The following DENND3 variants were observed in gnomAD, a reference collection of about 807,000 sequenced individuals.
DENND3 encodes DENN domain containing 3.
Under a neutral mutation model 135.1 loss-of-function variants are expected in DENND3, and 88 were observed. The observed-to-expected ratio is 0.65, with a 90% confidence interval of 0.55 to 0.78. The LOEUF is 0.78. Among genes scored for constraint, DENND3 ranks in the 30% least tolerant of loss-of-function variants. The pLI is 0.00. For synonymous variants in DENND3, 693 were observed against 712.3 expected (o/e 0.97, Z 0.43); for missense variants, 1,392 against 1,688.4 (o/e 0.82, Z 3.08).
chr8:141,132,863 T>C (rs2154612650), intron 1 of DENND3, among the ~76,000 whole-genome samples: 1 of 152,246 alleles, frequency 6.6e-6, no homozygotes, highest in Admixed American at 6.5e-5. Context: ...CAGTGTTCAG[T>C]CCAGGCTGAG....
chr8:141,151,549 C>A, intron 6 of DENND3, 70 bp from the exon 7 acceptor site: 2 of 1,462,276 alleles, frequency 1.4e-6, no homozygotes, highest in South Asian at 1.2e-5. Flanking sequence ...CTGGGCAACA[C>A]AGCGAGACCC....
chr8:141,154,834 A>G lies in DENND3; in HGVS notation c.1075-1015A>G, dbSNP rs574012724. On this transcript the variant is annotated intron_variant, in intron 7 of 22. Coordinates refer to ENST00000519811, the MANE Select transcript of DENND3 (RefSeq NM_001352890.3). This position sits in a 1 kb window ranked among gnomAD's most constrained non-coding sequence, Gnocchi z 4.4. ...CACCTCGGCCTCCCAAAGTGTTGGG[A>G]TTACAGGCATGAGCCACTGCACCCA... Among the ~76,000 whole-genome samples the G allele has an allele frequency of 6.6e-6, 1 of 152,320 alleles. No homozygotes were observed. Among genetic ancestry groups the G allele is most frequent in the Admixed American group, 6.5e-5 (1 of 15,306 alleles).
In DENND3 at chr8:141,141,400, G is replaced by A. The variant is rs189189173; in HGVS notation, c.623+76G>A. On this transcript the variant is annotated intron_variant, in intron 4 of 22. Coordinates refer to ENST00000519811, the MANE Select transcript of DENND3 (RefSeq NM_001352890.3). This position sits in a 1 kb window ranked among gnomAD's most constrained non-coding sequence, Gnocchi z 5.3. ...CTCTCCAGGTGAGCCAAGGGACCAGGGGGCTGGAGGTGGTGGGGGGGCAGC... is the reference window on the plus strand; with the variant it reads ...CTCTCCAGGTGAGCCAAGGGACCAGAGGGCTGGAGGTGGTGGGGGGGCAGC... 1.5e-5 allele frequency: 24 copies of A among 1,557,148 alleles called. No individual in the cohort carries two copies. The highest frequency in any genetic ancestry group is 2.0e-5 in the Non-Finnish European group (23 of 1,143,448).
rs1816905188 is a variant in DENND3, at chr8:141,137,389, A to G, written c.385+598A>G. On this transcript the variant is annotated intron_variant, in intron 2 of 22. Transcript: ENST00000519811. The surrounding 1 kb of genome is among the most constrained non-coding windows in gnomAD (Gnocchi z 4.1). The stretch of plus-strand genomic sequence containing the variant: ...TCTGCATGAACTTCCAGGTAAAACC[A>G]TTTGTTCCTGGTGCATTCAAGGCTT... Among the ~76,000 whole-genome samples the G allele has an allele frequency of 3.3e-5, 5 of 152,214 alleles. 1 individual carries two copies. The South Asian group carries it at 1.0e-3, about 31-fold the overall frequency.
intron 1 of DENND3, among the ~76,000 whole-genome samples, chr8:141,135,958 G>A (rs528317939): frequency 6.6e-6 from 1 of 152,330 alleles, no homozygotes; most frequent in Non-Finnish European, 1.5e-5. Context: ...GGCAGCACTG[G>A]CCCACGTGGG....
At chr8:141,193,786 C>T (rs1425898916) in intron 22 of DENND3, 4 of 567,756 alleles carry the variant, frequency 7.0e-6, no homozygotes, top group Admixed American at 3.0e-5. Context: ...ACTTAAGATG[C>T]ACCCCAGCAC....
rs771411327 is a variant in DENND3, at chr8:141,175,453, TA to T, written c.2530del (p.Ile844Ter). The T allele has an allele frequency of 1.2e-6, 2 of 1,613,906 alleles. No individual in the cohort carries two copies. On this transcript the variant is annotated frameshift_variant, in exon 14 of 23. Transcript: ENST00000519811. LOFTEE classifies it high-confidence loss of function. This position sits in a 1 kb window ranked among gnomAD's most constrained non-coding sequence, Gnocchi z 5.4. ...GYLEISTFRNIEEVRRTTTTF... is the reference protein window; with the variant it reads ...GYLEISTFRNXEEVRRTTTTF... ...ACTTGGAGATTTCCACCTTCAGAAA[TA>T]TAGAGGTAAGGACAGCACAGGCAGA...
Position 141,190,399 on chromosome 8 carries a change from G to A in DENND3, c.3361G>A (p.Gly1121Ser), listed in dbSNP as rs561229243. Residue 1121 changes from glycine to serine, a missense_variant, in exon 20 of 23, where the codon GGC becomes AGC. Gly to Ser is a moderately conservative substitution (Grantham distance 56). Transcript: ENST00000519811. ...TGGCCTGACGTCCATCAGACTGCACGGCGGCCGCCTGTGGTGCTGTAAGTC... is the reference window on the plus strand; with the variant it reads ...TGGCCTGACGTCCATCAGACTGCACAGCGGCCGCCTGTGGTGCTGTAAGTC... The part of the protein sequence containing the change: ...RGGLTSIRLH[G>S]GRLWCCTGNS... 4.1e-5 allele frequency: 66 copies of A among 1,610,234 alleles called. No individual in the cohort carries two copies. Among genetic ancestry groups the A allele is most frequent in the Non-Finnish European group, 5.0e-5 (59 of 1,179,172 alleles).
chr8:141,173,657 C>T (rs905479926), intron 13 of DENND3: 1 of 152,256 alleles, frequency 6.6e-6, no homozygotes, highest in African/African-American at 2.4e-5. Flanking sequence ...GGAATCGGAA[C>T]AGGGCGTGGC....
At position 141,152,849 on chromosome 8, in the gene DENND3, G is replaced by A. The variant is rs144921378; in HGVS notation, c.1074+1012G>A. On this transcript the variant is annotated intron_variant, in intron 7 of 22. Coordinates refer to ENST00000519811, the MANE Select transcript of DENND3 (RefSeq NM_001352890.3). ...GCTGTTTTCGCAAAGCGGCCGTGCCGTTTTACACTCCCACCAGCAGTACGA... is the reference window on the plus strand; with the variant it reads ...GCTGTTTTCGCAAAGCGGCCGTGCCATTTTACACTCCCACCAGCAGTACGA... Among the ~76,000 whole-genome samples, 709 of 152,264 alleles carry A rather than the reference G, an allele frequency of 4.7e-3. 6 individuals are homozygous for A. Among genetic ancestry groups the A allele is most frequent in the African/African-American group, 0.016 (674 of 41,534 alleles).
intron 5 of DENND3, among the ~76,000 whole-genome samples, chr8:141,147,233 C>T (rs1203071839): frequency 6.6e-6 from 1 of 152,224 alleles, no homozygotes; most frequent in Non-Finnish European, 1.5e-5. Flanking sequence ...CGCTGCGTGA[C>T]TTGGGGACCA....
chr8:141,173,058 G>GAGGCAC (rs1589665397), intron 13 of DENND3, among the ~76,000 whole-genome samples: 1 of 152,092 alleles, frequency 6.6e-6, no homozygotes, highest in African/African-American at 2.4e-5. Flanking sequence ...GGAGGTGGCT[G>GAGGCAC]CATTGGGTGC....
intron 6 of DENND3, 136 bp from the exon 7 acceptor site, chr8:141,151,483 C>A: frequency 1.3e-6 from 1 of 768,064 alleles, no homozygotes; most frequent in Non-Finnish European, 2.1e-6. Flanking sequence ...ATTGCTTAAG[C>A]CCAGGAGTTC....
Position 141,189,046 on chromosome 8 carries a change from T to G in DENND3, c.3145T>G (p.Tyr1049Asp). Residue 1049 changes from tyrosine (Y) to aspartate (D), a missense_variant, in exon 19 of 23, where the codon TAC (tyrosine) becomes GAC (aspartate). Physicochemically the swap from Tyr to Asp is radical, Grantham distance 160 (BLOSUM62 -3). Coordinates refer to ENST00000519811, the MANE Select transcript of DENND3 (RefSeq NM_001352890.3). Reference sequence around the variant, plus strand: ...GGTTGGCTCGGAAGACTCCGTCATCTACATCATCAACGTCCACAGCATGTC... The same window carrying G: ...GGTTGGCTCGGAAGACTCCGTCATCGACATCATCAACGTCCACAGCATGTC... ...VWVGSEDSVI[Y>D]IINVHSMSCN... 1 of 1,614,224 alleles carries G rather than the reference T, an allele frequency of 6.2e-7. No homozygotes were observed. The highest frequency in any genetic ancestry group is 8.5e-7 in the Non-Finnish European group (1 of 1,180,040).
chr8:141,190,794 T>G (rs1824622631), intron 20 of DENND3, among the ~76,000 whole-genome samples: 1 of 152,182 alleles, frequency 6.6e-6, no homozygotes, highest in Non-Finnish European at 1.5e-5. Flanking sequence ...TCTCCACACC[T>G]GGGGGCAGCT....
At chr8:141,191,590 C>T (rs948498731) in intron 20 of DENND3, 1 of 152,284 alleles carries the variant, frequency 6.6e-6, no homozygotes, top group Non-Finnish European at 1.5e-5. Flanking sequence ...TGACACCGTC[C>T]CCGCGGGAGT....
In DENND3 at chr8:141,193,764, T is replaced by C. The variant is rs754773457; in HGVS notation, c.3637-269T>C. ...TGTCACCTCACACAGGTGGCTGTTG[T>C]TTGGTGAGAACACTTAAGATGCACC... On this transcript the variant is annotated intron_variant, in intron 22 of 22. Coordinates refer to ENST00000519811, the MANE Select transcript of DENND3 (RefSeq NM_001352890.3). 4 of 538,474 alleles carry C rather than the reference T, an allele frequency of 7.4e-6. No homozygotes were observed. The East Asian group carries it at 1.2e-4, about 16-fold the overall frequency. 33.4% of individuals were successfully genotyped at this position (538,474 alleles called of 1,614,324 possible).
chr8:141,180,016 C>T (rs1822886997), intron 16 of DENND3, among the ~76,000 whole-genome samples: 1 of 152,112 alleles, frequency 6.6e-6, no homozygotes, highest in Non-Finnish European at 1.5e-5. Context: ...CAGGCTGTGC[C>T]CGGGGGCCTC....
At position 141,192,971 on chromosome 8, in the gene DENND3, C is replaced by T. The variant is rs144244854; in HGVS notation, c.3636+308C>T. On this transcript the variant is annotated intron_variant, in intron 22 of 22. Transcript: ENST00000519811. Reference sequence around the variant, plus strand: ...TCCAAAACCAAGGTGTCGGCAGAGCCGCTTCCCTCGGGGGCTCGGGGGGAG... The same window carrying T: ...TCCAAAACCAAGGTGTCGGCAGAGCTGCTTCCCTCGGGGGCTCGGGGGGAG... The T allele has an allele frequency of 5.7e-5, 69 of 1,211,380 alleles. 1 individual carries two copies. The East Asian group carries it at 2.4e-3, about 41-fold the overall frequency. The allele number at this position is 1,211,380 out of a possible 1,614,324, so 75.0% of individuals were successfully genotyped here.
Sources: allele counts gnomAD v4.1 joint callset (sites outside exome capture counted in the v4.1 genomes callset), GRCh38; gene constraint gnomAD v4.1.1; non-coding constraint Gnocchi (gnomAD v3.1); transcripts MANE v1.5; gene names NCBI Gene and HGNC (gene_info 2026-07-23, HGNC 2026-07-21).